The following TCF20 variants were observed in gnomAD, a reference collection of about 807,000 sequenced individuals.
TCF20 encodes transcription factor 20.
In TCF20, 3 loss-of-function variants were observed where a neutral mutation model predicts 148.6. The observed-to-expected ratio is 0.02, with a 90% CI of 0.01 to 0.05. TCF20 has a LOEUF of 0.05. TCF20 is among the 10% of genes least tolerant of loss of function. The pLI is 1.00. For synonymous variants in TCF20, 1,049 were observed against 909.5 expected, an observed-to-expected ratio of 1.15 and a Z score of -2.76; for missense variants, 2,350 against 2,429.3, an observed-to-expected ratio of 0.97 and a Z score of 0.69.
intron 5 of TCF20, among the ~76,000 whole-genome samples, chr22:42,162,738 C>G (rs1431380793): frequency 6.6e-6 from 1 of 152,178 alleles, no homozygotes; most frequent in Non-Finnish European, 1.5e-5. Context: ...CCCAAGAACC[C>G]AAGTGTCACC....
Position 42,213,865 on chromosome 22 carries a change from G to A in TCF20, c.1441C>T (p.Pro481Ser), listed in dbSNP as rs149533146. The A allele has an allele frequency of 3.7e-6, 6 of 1,614,188 alleles. No individual in the cohort carries two copies. Among genetic ancestry groups the A allele is most frequent in the Admixed American group, 3.3e-5 (2 of 60,024 alleles). Reference sequence around the variant, plus strand: ...GGCCTCTTGGAGGTCTTCTTCTGAGGAGTCAGGGCATCAGAAAGTAACATG... The same window carrying A: ...GGCCTCTTGGAGGTCTTCTTCTGAGAAGTCAGGGCATCAGAAAGTAACATG... ...QHMLLSDALTPQKKTSKRPSS... is the reference protein window; with the variant it reads ...QHMLLSDALTSQKKTSKRPSS... The change falls in exon 2 of 6, where the codon CCT (proline) becomes TCT (serine). Residue 481 changes from proline (P) to serine (S), a missense_variant. Around this residue, in one of 7 missense-constraint regions of TCF20, gnomAD observed 1,641 missense variants for 1,662.6 expected, o/e 0.99. Coordinates refer to ENST00000677622, the MANE Select transcript of TCF20 (RefSeq NM_001378418.1).
chr22:42,312,503 G>T (rs1430850690), intron 1 of TCF20, among the ~76,000 whole-genome samples: 1 of 152,116 alleles, frequency 6.6e-6, no homozygotes, highest in Non-Finnish European at 1.5e-5. Context: ...GGGAATGAGG[G>T]TTGGGGGAGC....
In TCF20 at chr22:42,270,328, G is replaced by C. The variant is rs1420938723; in HGVS notation, c.-37+11C>G. ...CCCTCTCCCTGCCCCTCAGGCCCGG[G>C]AGGCGGTTACCTGCAGGAGCCCCCC... is the stretch of plus-strand genomic sequence containing the variant. On this transcript the variant is annotated intron_variant, in intron 1 of 5. Coordinates refer to ENST00000677622, the MANE Select transcript of TCF20 (RefSeq NM_001378418.1). Among the ~76,000 whole-genome samples the C allele has an allele frequency of 6.6e-6, 1 of 151,848 alleles. No homozygotes were observed. The highest frequency in any genetic ancestry group is 1.5e-5 in the Non-Finnish European group (1 of 67,888).
intron 1 of TCF20, among the ~76,000 whole-genome samples, chr22:42,242,099 A>G (rs1924455788): frequency 6.8e-6 from 1 of 147,400 alleles, no homozygotes; most frequent in Non-Finnish European, 1.5e-5. Context: ...GCTACTCGGG[A>G]GGCCGAGGCA....
upstream of TCF20, among the ~76,000 whole-genome samples, chr22:42,272,711 T>A (rs1926669143): frequency 6.6e-6 from 1 of 152,156 alleles, no homozygotes; most frequent in African/African-American, 2.4e-5. Flanking sequence ...GGCCTCTTTA[T>A]CCCTGAAAGC....
intron 1 of TCF20, among the ~76,000 whole-genome samples, chr22:42,289,352 A>C (rs1392041876): frequency 1.3e-5 from 2 of 152,152 alleles, no homozygotes; most frequent in Non-Finnish European, 2.9e-5. Flanking sequence ...CATTGCCCAA[A>C]GAGCAGAGAC....
chr22:42,338,260 G>A lies in TCF20; in HGVS notation c.-37+5219C>T, dbSNP rs1007715816. Among the ~76,000 whole-genome samples, 10 of 152,230 alleles carry A rather than the reference G, an allele frequency of 6.6e-5. No homozygotes were observed. Among genetic ancestry groups the A allele is most frequent in the South Asian group, 2.1e-4 (1 of 4,834 alleles). On this transcript the variant is annotated intron_variant, in intron 1 of 1. Transcript: ENST00000515426. The surrounding 1 kb of genome is among the most constrained non-coding windows in gnomAD (Gnocchi z 4.0). Reference sequence around the variant, plus strand: ...TCCGTGACAGCCCCAGAAGAGGGCCGGAGAAACTTTTCGTCTGAATGGAGG... The same window carrying A: ...TCCGTGACAGCCCCAGAAGAGGGCCAGAGAAACTTTTCGTCTGAATGGAGG...
intron 1 of TCF20, among the ~76,000 whole-genome samples, chr22:42,254,482 G>A (rs1041592055): frequency 6.6e-6 from 1 of 152,180 alleles, no homozygotes; most frequent in Non-Finnish European, 1.5e-5. Context: ...GATATATACT[G>A]GGTATTGTCC....
Position 42,176,343 on chromosome 22 carries a change from G to C in TCF20, c.5749+3266C>G, listed in dbSNP as rs189917065. The stretch of plus-strand genomic sequence containing the variant: ...AATGGAGACATATGCTTAAACAAAA[G>C]TCAGGAGCTGCAAGCAACTGCTGCG... On this transcript the variant is annotated intron_variant, in intron 3 of 5. Transcript: ENST00000677622. Among the ~76,000 whole-genome samples, 63 of 150,754 alleles carry C rather than the reference G, an allele frequency of 4.2e-4. 1 individual carries two copies. Among genetic ancestry groups the C allele is most frequent in the Middle Eastern group, 3.4e-3 (1 of 294 alleles).
chr22:42,329,969 C>G (rs1345415335), intron 1 of TCF20, among the ~76,000 whole-genome samples: 1 of 152,200 alleles, frequency 6.6e-6, no homozygotes, highest in Non-Finnish European at 1.5e-5. Context: ...TAATAGGAAA[C>G]CCACCCAGCC....
Position 42,211,692 on chromosome 22 carries a change from C to A in TCF20, c.3614G>T (p.Gly1205Val), listed in dbSNP as rs1313895868. The A allele has an allele frequency of 6.2e-7, 1 of 1,614,042 alleles. No individual in the cohort carries two copies. The highest frequency in any genetic ancestry group is 1.3e-5 in the African/African-American group (1 of 74,914). The change falls in exon 2 of 6, where the codon GGA becomes GTA. Residue 1205 changes from glycine to valine, a missense_variant. Gly to Val is a moderately radical substitution (Grantham distance 109). Transcript: ENST00000677622. ...TSPAKSSGPP[G>V]MSSQKRYGPP... ...CCCATACCTTTTTTGACTGGACATT[C>A]CTGGAGGACCGCTGCTTTTGGCTGG...
At chr22:42,209,389 T>C (rs1007961461) in intron 2 of TCF20, among the ~76,000 whole-genome samples, 1 of 152,194 alleles carries the variant, frequency 6.6e-6, no homozygotes, top group African/African-American at 2.4e-5. Flanking sequence ...AACTGGAAAG[T>C]GTGCGTTAGA....
chr22:42,231,662 G>A (rs1923411956), intron 1 of TCF20, among the ~76,000 whole-genome samples: 1 of 152,134 alleles, frequency 6.6e-6, no homozygotes, highest in African/African-American at 2.4e-5. Flanking sequence ...GGGACTGGTG[G>A]CTCATGCCTG....
At position 42,299,890 on chromosome 22, in the gene TCF20, G is replaced by A. The variant is rs1049104547; in HGVS notation, c.-37+43589C>T. Among the ~76,000 whole-genome samples the A allele has an allele frequency of 3.4e-5, 5 of 147,674 alleles. No individual in the cohort carries two copies. In the Admixed American group the frequency reaches 3.4e-4, roughly 10 times the overall value. ...GGAAAAGACAGAAAGGGGTAGAAGG[G>A]AAGCTTGGAGCGGGTGGAGGAGGAG... On this transcript the variant is annotated intron_variant, in intron 1 of 1. Coordinates refer to the TCF20 transcript ENST00000515426. This position sits in a 1 kb window ranked among gnomAD's most constrained non-coding sequence, Gnocchi z 4.1.
At chr22:42,228,062 G>C (rs938981207) in intron 1 of TCF20, among the ~76,000 whole-genome samples, 1 of 152,206 alleles carries the variant, frequency 6.6e-6, no homozygotes, top group African/African-American at 2.4e-5. Flanking sequence ...GATTTTATTA[G>C]AAGCCTTTGG....
intron 3 of TCF20, 151 bp downstream of exon 3, chr22:42,179,458 G>A: frequency 1.8e-6 from 1 of 543,766 alleles, no homozygotes; most frequent in South Asian, 2.6e-5. Flanking sequence ...GATGAGTGCT[G>A]CTAATGGGTG....
At position 42,185,885 on chromosome 22, in the gene TCF20, T is replaced by C. The variant is rs147616862; in HGVS notation, c.5656-6183A>G. 4.1e-3 allele frequency among the ~76,000 whole-genome samples: 625 copies of C among 152,290 alleles called. 6 individuals carry two copies. Among genetic ancestry groups the C allele is most frequent in the African/African-American group, 0.014 (601 of 41,548 alleles). On this transcript the variant is annotated intron_variant, in intron 2 of 5. Coordinates refer to ENST00000677622, the MANE Select transcript of TCF20 (RefSeq NM_001378418.1). ...GGCTCTGGCACCAGCCTCTGGGACC[T>C]GCACCACGGCCCAGTACCACCAAGG...
chr22:42,201,950 CCT>C (rs1469166633), intron 2 of TCF20, among the ~76,000 whole-genome samples: 1 of 152,116 alleles, frequency 6.6e-6, no homozygotes, highest in Non-Finnish European at 1.5e-5. Context: ...AGATATAATT[CCT>C]GAGTGTGTTC....
At chr22:42,259,522 G>A (rs1013033588) in intron 1 of TCF20, among the ~76,000 whole-genome samples, 1 of 152,114 alleles carries the variant, frequency 6.6e-6, no homozygotes, top group Non-Finnish European at 1.5e-5. Context: ...GCTCAAACAC[G>A]TGATGTCTTA....
Sources: gnomAD v4.1 joint callset for allele counts (sites outside exome capture counted in the v4.1 genomes callset) on GRCh38, gnomAD v4.1.1 for gene constraint, gnomAD v4.1.1 regional missense constraint, Gnocchi (gnomAD v3.1) non-coding constraint, MANE v1.5 for transcripts, NCBI Gene and HGNC (gene_info 2026-07-23, HGNC 2026-07-21) for gene names.